The following CADPS2 variants were observed in gnomAD, a reference collection of about 807,000 sequenced individuals.
CADPS2 encodes the protein calcium-dependent secretion activator 2.
In CADPS2, 93 loss-of-function variants were observed where a neutral mutation model predicts 172.5. That is an observed-to-expected ratio of 0.54 (90% CI 0.46 to 0.64). CADPS2 has a LOEUF of 0.64. Ranked by LOEUF, CADPS2 falls within the 30% of genes least tolerant of loss-of-function variation. CADPS2 has a pLI of 0.00. For missense variants in CADPS2, 1,420 were observed against 1,565.9 expected (o/e 0.91, Z 1.57); for synonymous variants, 546 against 555.2 (o/e 0.98, Z 0.23).
intron 3 of CADPS2, among the ~76,000 whole-genome samples, chr7:122,659,871 G>GA (rs139992540): frequency 0.18 from 26,654 of 151,094 alleles, 3,121 homozygotes; most frequent in Non-Finnish European, 0.26. Context: ...CGCTGAAAGA[G>GA]AAAAAAAAAT....
intron 16 of CADPS2, 81 bp from the exon 17 acceptor site, chr7:122,438,545 A>T (rs2050953548): frequency 1.4e-6 from 2 of 1,468,162 alleles, no homozygotes; most frequent in Non-Finnish European, 9.4e-7. Flanking sequence ...GTTGCATAAA[A>T]TAAATACTAA....
intron 19 of CADPS2, among the ~76,000 whole-genome samples, chr7:122,408,071 T>C (rs1449555285): frequency 3.9e-5 from 6 of 152,154 alleles, no homozygotes; most frequent in Non-Finnish European, 8.8e-5. Flanking sequence ...TTTCTTTTTT[T>C]TTCTGTGAAT....
chr7:122,593,412 C>T (rs570122058), intron 6 of CADPS2, among the ~76,000 whole-genome samples: 1 of 152,094 alleles, frequency 6.6e-6, no homozygotes, highest in South Asian at 2.1e-4. Flanking sequence ...CAAGTACAGA[C>T]CCAAGAGACA....
At chr7:122,337,316 T>C (rs2036004382) in intron 28 of CADPS2, among the ~76,000 whole-genome samples, 1 of 152,228 alleles carries the variant, frequency 6.6e-6, no homozygotes, top group Non-Finnish European at 1.5e-5. Flanking sequence ...CTGCCACATA[T>C]GTCCAGGTGC....
At chr7:122,545,736 GT>G (rs1314428114) in intron 8 of CADPS2, among the ~76,000 whole-genome samples, 6 of 152,138 alleles carry the variant, frequency 3.9e-5, no homozygotes, top group Non-Finnish European at 7.4e-5. Flanking sequence ...ACTAATGTCA[GT>G]GAAGAGGAAG....
chr7:122,528,928 C>T (rs919347724), intron 8 of CADPS2, among the ~76,000 whole-genome samples: 1 of 152,000 alleles, frequency 6.6e-6, no homozygotes, highest in Admixed American at 6.6e-5. Flanking sequence ...TTAACCTTTT[C>T]TTTTTACATT....
At chr7:122,618,335 T>C (rs2075201640) in intron 5 of CADPS2, among the ~76,000 whole-genome samples, 1 of 152,178 alleles carries the variant, frequency 6.6e-6, no homozygotes, top group African/African-American at 2.4e-5. Context: ...GCACTTTCAA[T>C]ACTTCAGTAA....
intron 25 of CADPS2, among the ~76,000 whole-genome samples, chr7:122,364,089 T>TA (rs2040534321): frequency 6.6e-6 from 1 of 152,168 alleles, no homozygotes; most frequent in Non-Finnish European, 1.5e-5. Context: ...AATTAAGTGA[T>TA]ACGCCATATG....
chr7:122,784,521 T>G (rs573968129), intron 1 of CADPS2, among the ~76,000 whole-genome samples: 2 of 152,352 alleles, frequency 1.3e-5, no homozygotes, highest in East Asian at 3.9e-4. Context: ...GGTGATACTT[T>G]CTGAATGATT....
chr7:122,656,609 C>T (rs888130098), intron 3 of CADPS2, among the ~76,000 whole-genome samples: 2 of 152,112 alleles, frequency 1.3e-5, no homozygotes, highest in Non-Finnish European at 2.9e-5. Flanking sequence ...TTAGAGGACA[C>T]TCCATCTCTC....
At chr7:122,731,741 G>A (rs891246813) in intron 2 of CADPS2, among the ~76,000 whole-genome samples, 7 of 151,534 alleles carry the variant, frequency 4.6e-5, no homozygotes, top group Non-Finnish European at 1.0e-4. Flanking sequence ...ATTAGGAACC[G>A]CAAAATTATC....
At chr7:122,763,199 T>C (rs1287052411) in intron 1 of CADPS2, among the ~76,000 whole-genome samples, 1 of 152,166 alleles carries the variant, frequency 6.6e-6, no homozygotes, top group Non-Finnish European at 1.5e-5. Flanking sequence ...ATAATCATAT[T>C]GCATAGCAAC....
At chr7:122,824,365 G>C (rs1041800787) in intron 1 of CADPS2, among the ~76,000 whole-genome samples, 1 of 152,160 alleles carries the variant, frequency 6.6e-6, no homozygotes, top group African/African-American at 2.4e-5. Context: ...TCTCATATAG[G>C]CACTGGTGAA....
chr7:122,725,570 G>C (rs2091000698), intron 2 of CADPS2, among the ~76,000 whole-genome samples: 1 of 121,904 alleles, frequency 8.2e-6, no homozygotes, highest in Non-Finnish European at 1.6e-5. Flanking sequence ...CTCATTTTGA[G>C]AAATGCAAAT....
At position 122,471,395 on chromosome 7, in the gene CADPS2, G is replaced by A. The variant is rs754415713; in HGVS notation, c.2166C>T (p.Ala722=). 2 of 1,612,770 alleles carry A rather than the reference G, an allele frequency of 1.2e-6. No homozygotes were observed. The highest frequency in any genetic ancestry group is 1.7e-6 in the Non-Finnish European group (2 of 1,179,358). Residue 722 remains alanine (A), a synonymous_variant, in exon 14 of 30, where the codon GCC becomes GCT. Coordinates refer to ENST00000449022, the MANE Select transcript of CADPS2 (RefSeq NM_017954.11). ...TLLHYSFAFC[A]SHVHGNRPDG... is the part of the protein sequence containing the mutation. The stretch of plus-strand genomic sequence containing the variant: ...AATACCTGTTGCCGTGCACATGAGA[G>A]GCACAGAATGCAAAGCTGTAATGGA...
At chr7:122,409,401 T>G (rs2047037106) in intron 19 of CADPS2, among the ~76,000 whole-genome samples, 1 of 151,960 alleles carries the variant, frequency 6.6e-6, no homozygotes, top group Admixed American at 6.6e-5. Flanking sequence ...GAAAAATTCC[T>G]AAAGGTCTTC....
chr7:122,333,201 A>C (rs1348896909), intron 28 of CADPS2, among the ~76,000 whole-genome samples: 6 of 152,198 alleles, frequency 3.9e-5, no homozygotes, highest in African/African-American at 1.4e-4. Context: ...TAGTATATAA[A>C]ATTCTGGTAA....
chr7:122,454,595 A>G (rs2053536096), intron 14 of CADPS2, among the ~76,000 whole-genome samples: 1 of 152,208 alleles, frequency 6.6e-6, no homozygotes, highest in Admixed American at 6.5e-5. Context: ...TTTAAAATAT[A>G]ATGCTTACCA....
intron 1 of CADPS2, among the ~76,000 whole-genome samples, chr7:122,800,901 G>A (rs1477317157): frequency 6.6e-6 from 1 of 150,926 alleles, no homozygotes; most frequent in Non-Finnish European, 1.5e-5. Flanking sequence ...TGAGGCAGGA[G>A]AATCACTTGG....
Sources: allele counts gnomAD v4.1 joint callset (sites outside exome capture counted in the v4.1 genomes callset), GRCh38; gene constraint gnomAD v4.1.1; transcripts MANE v1.5; gene names NCBI Gene and HGNC (gene_info 2026-07-23, HGNC 2026-07-21).